The following SLCO1B3 variants were observed in gnomAD, a reference collection of about 807,000 sequenced individuals.
SLCO1B3 encodes liver-specific organic anion transporter 2.
A neutral mutation model predicts 71.8 loss-of-function variants in SLCO1B3; 72 were observed. The observed-to-expected ratio is 1.00, with a 90% CI of 0.83 to 1.22. The LOEUF (loss-of-function observed/expected upper bound fraction) is 1.22, where lower values mean the gene tolerates loss of function less well. Ranked by LOEUF, SLCO1B3 falls within the 50% of genes most tolerant of loss-of-function variation. SLCO1B3 has a pLI of 0.00. For synonymous variants in SLCO1B3, 298 were observed against 278.4 expected (o/e 1.07, Z -0.70); for missense variants, 911 against 819.7 (o/e 1.11, Z -1.36).
At chr12:20,860,580 T>G in intron 5 of SLCO1B3, among the ~76,000 whole-genome samples, 1 of 149,674 alleles carries the variant, frequency 6.7e-6, no homozygotes, top group Non-Finnish European at 1.5e-5. Flanking sequence ...TTTTATTGAG[T>G]TTTGAAAAGT....
intron 15 of SLCO1B3, chr12:20,902,448 A>G (rs1742638978): frequency 6.6e-6 from 1 of 152,278 alleles, no homozygotes; most frequent in African/African-American, 2.4e-5. Flanking sequence ...GAACTAATGC[A>G]TGAACAGAAA....
chr12:20,903,306 A>G (rs1866167467), intron 15 of SLCO1B3, among the ~76,000 whole-genome samples: 1 of 152,220 alleles, frequency 6.6e-6, no homozygotes, highest in Admixed American at 6.5e-5. Context: ...TGAATATAAA[A>G]AAGTGGAAGC....
intron 14 of SLCO1B3, among the ~76,000 whole-genome samples, chr12:20,900,176 C>A (rs1356614781): frequency 1.3e-5 from 2 of 152,028 alleles, no homozygotes; most frequent in Non-Finnish European, 2.9e-5. Context: ...GCAAATTTCT[C>A]ACCCATTATC....
intron 15 of SLCO1B3, among the ~76,000 whole-genome samples, chr12:20,915,073 G>C (rs1394177114): frequency 6.6e-6 from 1 of 151,820 alleles, no homozygotes; most frequent in Admixed American, 6.6e-5. Context: ...AAAATTTTCT[G>C]TACTTATTAT....
At position 20,825,857 on chromosome 12, in the gene SLCO1B3, G is replaced by T. The variant is rs370990715; in HGVS notation, c.84+10035G>T. Among the ~76,000 whole-genome samples, 8 of 150,244 alleles carry T rather than the reference G, an allele frequency of 5.3e-5. No individual in the cohort carries two copies. In the East Asian group the frequency reaches 1.4e-3, roughly 26 times the overall value. ...AACCATGAAAACTTAATAGAATTAGGACTTTAAAAGCAACACAGAAAGTAA... is the reference window on the plus strand; with the variant it reads ...AACCATGAAAACTTAATAGAATTAGTACTTTAAAAGCAACACAGAAAGTAA... On this transcript the variant is annotated intron_variant, in intron 3 of 15. Transcript: ENST00000381545.
intron 3 of SLCO1B3, among the ~76,000 whole-genome samples, chr12:20,851,906 A>G (rs1323899237): frequency 1.5e-5 from 1 of 66,112 alleles, no homozygotes; most frequent in Non-Finnish European, 5.4e-5. Context: ...CAATTGTTGA[A>G]GAGACTGGTT....
intron 13 of SLCO1B3, 85 bp from the exon 14 acceptor site, chr12:20,898,351 G>T (rs545807627): frequency 1.2e-6 from 1 of 828,044 alleles, no homozygotes; most frequent in South Asian, 1.4e-5. Context: ...CCAGGGAGAG[G>T]AATGATGCTG....
intron 3 of SLCO1B3, among the ~76,000 whole-genome samples, chr12:20,846,232 A>T (rs903315334): frequency 1.3e-5 from 2 of 152,188 alleles, no homozygotes; most frequent in African/African-American, 4.8e-5. Context: ...CTGGTCAGTG[A>T]TTCCAACATA....
intron 3 of SLCO1B3, among the ~76,000 whole-genome samples, chr12:20,854,763 A>G (rs918548971): frequency 6.6e-6 from 1 of 152,156 alleles, no homozygotes; most frequent in Non-Finnish European, 1.5e-5. Flanking sequence ...TAAATCAGTT[A>G]ATGAAATTAG....
At chr12:20,832,173 T>C (rs1267258053) in intron 3 of SLCO1B3, among the ~76,000 whole-genome samples, 1 of 152,176 alleles carries the variant, frequency 6.6e-6, no homozygotes, top group Non-Finnish European at 1.5e-5. Flanking sequence ...TCCATATTAT[T>C]CAGTATCAAA....
At chr12:20,881,264 T>C (rs75008118) in intron 12 of SLCO1B3, among the ~76,000 whole-genome samples, 3,441 of 152,252 alleles carry the variant, frequency 0.023, 80 homozygotes, top group South Asian at 0.035. Flanking sequence ...CCACTTTTTT[T>C]CTTGAGATTT....
At position 20,897,734 on chromosome 12, in the gene SLCO1B3, A is replaced by T. The variant is rs186337312; in HGVS notation, c.1683-702A>T. Among the ~76,000 whole-genome samples, 3 of 152,300 alleles carry T rather than the reference A, an allele frequency of 2.0e-5. No individual in the cohort carries two copies. The East Asian group carries it at 5.8e-4, about 29-fold the overall frequency. On this transcript the variant is annotated intron_variant, in intron 13 of 15. Coordinates refer to ENST00000381545, the MANE Select transcript of SLCO1B3 (RefSeq NM_019844.4). ...TATTTGAGCCACAGTCATCCACCTC[A>T]TCCCAGCTCTCCTCCTTTACTAATG...
At chr12:20,891,828 G>A (rs1343221891) in intron 13 of SLCO1B3, among the ~76,000 whole-genome samples, 1 of 152,000 alleles carries the variant, frequency 6.6e-6, no homozygotes, top group Non-Finnish European at 1.5e-5. Context: ...AAAGCTTTCA[G>A]AAGTATTTTG....
intron 3 of SLCO1B3, among the ~76,000 whole-genome samples, chr12:20,829,799 G>A (rs1412753928): frequency 1.3e-5 from 2 of 152,156 alleles, no homozygotes; most frequent in Non-Finnish European, 2.9e-5. Flanking sequence ...TAAACAAGGG[G>A]TGGATTATTC....
At chr12:20,891,497 C>G (rs758034536) in intron 13 of SLCO1B3, among the ~76,000 whole-genome samples, 13 of 151,988 alleles carry the variant, frequency 8.6e-5, no homozygotes, top group African/African-American at 1.4e-4. Flanking sequence ...GACTATATGT[C>G]TTGTGCTGGT....
At chr12:20,903,368 A>G (rs1375456135) in intron 15 of SLCO1B3, among the ~76,000 whole-genome samples, 2 of 152,218 alleles carry the variant, frequency 1.3e-5, no homozygotes, top group African/African-American at 4.8e-5. Flanking sequence ...TGTTACATTC[A>G]TATAGTGGAA....
intron 13 of SLCO1B3, among the ~76,000 whole-genome samples, chr12:20,891,647 C>G (rs1053232885): frequency 6.6e-6 from 1 of 152,080 alleles, no homozygotes; most frequent in Non-Finnish European, 1.5e-5. Context: ...TCTTCTCCCT[C>G]TGGAATACCA....
At chr12:20,891,037 A>G (rs1466032459) in intron 13 of SLCO1B3, among the ~76,000 whole-genome samples, 1 of 152,046 alleles carries the variant, frequency 6.6e-6, no homozygotes, top group Non-Finnish European at 1.5e-5. Context: ...TTGATTTTTG[A>G]GGGGTTGTTT....
At chr12:20,841,146 A>G (rs1402300274) in intron 3 of SLCO1B3, among the ~76,000 whole-genome samples, 3 of 151,992 alleles carry the variant, frequency 2.0e-5, no homozygotes, top group Admixed American at 6.6e-5. Context: ...CTGCTCCAGG[A>G]AGCTGTTACT....
Sources: allele counts gnomAD v4.1 joint callset (sites outside exome capture counted in the v4.1 genomes callset), GRCh38; gene constraint gnomAD v4.1.1; transcripts MANE v1.5; gene names NCBI Gene and HGNC (gene_info 2026-07-23, HGNC 2026-07-21).